The following GMDS variants were observed in gnomAD, a reference collection of about 807,000 sequenced individuals.
GMDS encodes GDP-mannose 4,6 dehydratase.
GMDS carries 20 observed loss-of-function variants against 49.9 expected under a neutral mutation model. That is an observed-to-expected ratio of 0.40 (90% confidence interval 0.28 to 0.58). The LOEUF (loss-of-function observed/expected upper bound fraction) is 0.58, where lower values mean the gene tolerates loss of function less well. Ranked by LOEUF, GMDS falls within the 20% of genes least tolerant of loss-of-function variation. The pLI, the probability that GMDS is intolerant of heterozygous loss-of-function variation, is 0.42. For synonymous variants in GMDS, 177 were observed against 178.6 expected (o/e 0.99, Z 0.07); for missense variants, 362 against 481.4 (o/e 0.75, Z 2.32).
At chr6:1,677,911 G>A (rs140996411) in intron 9 of GMDS, among the ~76,000 whole-genome samples, 54 of 151,870 alleles carry the variant, frequency 3.6e-4, no homozygotes, top group Non-Finnish European at 6.8e-4. Flanking sequence ...AAACCTGCAC[G>A]TTGTACACAT....
chr6:1,959,841 T>C, intron 6 of GMDS, 26 bp downstream of exon 6: 1 of 1,320,580 alleles, frequency 7.6e-7, no homozygotes. Context: ...TCTGAAATTC[T>C]CTTTTCAGTT....
intron 1 of GMDS, among the ~76,000 whole-genome samples, chr6:2,204,708 T>C (rs1199250388): frequency 6.6e-6 from 1 of 152,250 alleles, no homozygotes; most frequent in Non-Finnish European, 1.5e-5. Flanking sequence ...AAAATTTTAT[T>C]GGCCAGCACT....
intron 4 of GMDS, among the ~76,000 whole-genome samples, chr6:2,069,986 T>C (rs28861450): frequency 0.024 from 3,642 of 150,696 alleles, 65 homozygotes; most frequent in South Asian, 0.059. Flanking sequence ...TATTGCAGCA[T>C]TATTCACAAT....
chr6:2,040,389 G>C (rs1268255603), intron 4 of GMDS, among the ~76,000 whole-genome samples: 3 of 152,190 alleles, frequency 2.0e-5, no homozygotes, highest in African/African-American at 7.2e-5. Context: ...TTTAGAGAAA[G>C]AATCAGTGAC....
At chr6:2,022,679 T>A (rs1450092960) in intron 4 of GMDS, among the ~76,000 whole-genome samples, 2 of 152,206 alleles carry the variant, frequency 1.3e-5, no homozygotes, top group Non-Finnish European at 2.9e-5. Flanking sequence ...AATTTTAGAC[T>A]ACTAAAATCT....
At chr6:2,198,903 A>G (rs1226961169) in intron 1 of GMDS, among the ~76,000 whole-genome samples, 1 of 148,698 alleles carries the variant, frequency 6.7e-6, no homozygotes, top group East Asian at 2.0e-4. Flanking sequence ...AACAGGTAGA[A>G]AACAGACCAT....
chr6:1,670,370 G>GTT (rs371549673), intron 9 of GMDS, among the ~76,000 whole-genome samples: 5 of 143,286 alleles, frequency 3.5e-5, no homozygotes, highest in Non-Finnish European at 4.6e-5. Flanking sequence ...GTTTTTTTTG[G>GTT]TTTTTTTTTT....
intron 7 of GMDS, among the ~76,000 whole-genome samples, chr6:1,844,349 A>C (rs1341718843): frequency 6.6e-6 from 1 of 152,224 alleles, no homozygotes; most frequent in Non-Finnish European, 1.5e-5. Context: ...AGTGGATTGT[A>C]TGTACTTGGA....
chr6:1,950,881 A>G (rs1763305524), intron 6 of GMDS, among the ~76,000 whole-genome samples: 1 of 151,802 alleles, frequency 6.6e-6, no homozygotes, highest in Non-Finnish European at 1.5e-5. Flanking sequence ...TCCCGTGCAC[A>G]CCACTATGAA....
intron 7 of GMDS, among the ~76,000 whole-genome samples, chr6:1,818,967 C>T (rs1770779926): frequency 6.6e-6 from 1 of 151,968 alleles, no homozygotes; most frequent in Non-Finnish European, 1.5e-5. Flanking sequence ...AGTGGTCATA[C>T]CTAAGGAAAG....
At chr6:1,863,117 T>A (rs1052554158) in intron 7 of GMDS, among the ~76,000 whole-genome samples, 5 of 152,234 alleles carry the variant, frequency 3.3e-5, no homozygotes, top group Admixed American at 6.5e-5. Context: ...CAAAGGTTTC[T>A]GATTGTTATC....
At chr6:1,835,270 G>A (rs951786316) in intron 7 of GMDS, among the ~76,000 whole-genome samples, 1 of 152,172 alleles carries the variant, frequency 6.6e-6, no homozygotes, top group Non-Finnish European at 1.5e-5. Flanking sequence ...ACTGGGATAG[G>A]GTGGAGGTGG....
intron 7 of GMDS, among the ~76,000 whole-genome samples, chr6:1,763,228 C>A (rs1453128556): frequency 6.6e-6 from 1 of 152,170 alleles, no homozygotes; most frequent in Non-Finnish European, 1.5e-5. Context: ...GTGTCTTTTC[C>A]CACTAGGTCA....
At chr6:2,105,025 A>G (rs773895968) in intron 4 of GMDS, among the ~76,000 whole-genome samples, 8 of 151,890 alleles carry the variant, frequency 5.3e-5, no homozygotes, top group Non-Finnish European at 1.0e-4. Context: ...TACCAAAAAC[A>G]CAAAAAATTA....
chr6:1,779,247 T>C (rs1768975155), intron 7 of GMDS, among the ~76,000 whole-genome samples: 1 of 152,176 alleles, frequency 6.6e-6, no homozygotes, highest in Non-Finnish European at 1.5e-5. Flanking sequence ...TGCTCCCCTC[T>C]GAGCCCAGGC....
At chr6:2,085,532 TCTAA>T (rs779709062) in intron 4 of GMDS, among the ~76,000 whole-genome samples, 45 of 152,052 alleles carry the variant, frequency 3.0e-4, no homozygotes, top group Non-Finnish European at 4.9e-4. Context: ...AAGAGAAAAA[TCTAA>T]CTATTTTTTT....
At chr6:1,913,332 G>C (rs1761172979) in intron 7 of GMDS, among the ~76,000 whole-genome samples, 1 of 137,850 alleles carries the variant, frequency 7.3e-6, no homozygotes, top group Non-Finnish European at 1.5e-5. Context: ...AGTGAGCCGA[G>C]ATCCTGCCAC....
intron 9 of GMDS, among the ~76,000 whole-genome samples, chr6:1,665,266 A>T (rs1764203896): frequency 6.6e-6 from 1 of 152,210 alleles, no homozygotes; most frequent in Admixed American, 6.5e-5. Flanking sequence ...TTATACTTTT[A>T]AGGGCACAAA....
intron 9 of GMDS, among the ~76,000 whole-genome samples, chr6:1,674,000 C>T (rs1764514464): frequency 1.1e-5 from 1 of 92,660 alleles, no homozygotes; most frequent in African/African-American, 3.7e-5. Context: ...CATCTATGCG[C>T]AGGTTTTTCT....
Sources: gnomAD v4.1 joint callset for allele counts (sites outside exome capture counted in the v4.1 genomes callset) on GRCh38, gnomAD v4.1.1 for gene constraint, MANE v1.5 for transcripts, NCBI Gene and HGNC (gene_info 2026-07-23, HGNC 2026-07-21) for gene names.